MEOX2: variants seen among roughly 807,000 people sequenced by gnomAD.
MEOX2 encodes the protein mesenchyme homeobox 2, also known as homeobox protein MOX-2.
In MEOX2, 11 loss-of-function variants were observed where a neutral mutation model predicts 27.0. The observed-to-expected ratio is 0.41, with a 90% CI of 0.26 to 0.68. The LOEUF (loss-of-function observed/expected upper bound fraction) is 0.68. MEOX2 is among the 30% of genes least tolerant of loss of function. The probability of loss-of-function intolerance (pLI) is 0.33; values close to 1 mark genes in which losing one functional copy is unlikely to be tolerated. For missense variants in MEOX2, 436 were observed against 385.4 expected (o/e 1.13, Z -1.10); for synonymous variants, 189 against 155.4 (o/e 1.22, Z -1.61).
chr7:15,647,404 A>G (rs1319481427), intron 1 of MEOX2, among the ~76,000 whole-genome samples: 3 of 152,212 alleles, frequency 2.0e-5, no homozygotes, highest in East Asian at 3.9e-4. Flanking sequence ...TGCAAGCTAC[A>G]TTTTAGTAAA....
chr7:15,641,860 T>G (rs959208768), intron 1 of MEOX2, among the ~76,000 whole-genome samples: 1 of 152,122 alleles, frequency 6.6e-6, no homozygotes, highest in African/African-American at 2.4e-5. Flanking sequence ...ATTTTATTTC[T>G]CCTTCATTTA....
chr7:15,669,682 T>C (rs1294630778), intron 1 of MEOX2, among the ~76,000 whole-genome samples: 1 of 152,246 alleles, frequency 6.6e-6, no homozygotes, highest in Non-Finnish European at 1.5e-5. Context: ...AGAGACTCCC[T>C]ATACGTCACT....
chr7:15,656,841 CA>C lies in MEOX2; in HGVS notation c.517+29044del, dbSNP rs916214594. 1.1e-3 allele frequency among the ~76,000 whole-genome samples: 169 copies of C among 147,406 alleles called. 1 individual carries two copies. Among genetic ancestry groups the C allele is most frequent in the South Asian group, 8.2e-3 (38 of 4,662 alleles). On this transcript the variant is annotated intron_variant, in intron 1 of 2. Coordinates refer to ENST00000262041, the MANE Select transcript of MEOX2 (RefSeq NM_005924.5). The stretch of plus-strand genomic sequence containing the variant: ...CTTCCTTTATCATTTCTTTTTTGTC[CA>C]AAAAAAAAATTCTTTAGTCATTCTT...
At chr7:15,644,401 T>C (rs552544476) in intron 1 of MEOX2, among the ~76,000 whole-genome samples, 1 of 152,308 alleles carries the variant, frequency 6.6e-6, no homozygotes, top group South Asian at 2.1e-4. Context: ...AGAATTTCAG[T>C]GTTTTCTCTC....
intron 1 of MEOX2, among the ~76,000 whole-genome samples, chr7:15,644,092 T>G (rs1472081452): frequency 1.3e-5 from 2 of 152,036 alleles, no homozygotes; most frequent in Non-Finnish European, 2.9e-5. Context: ...TGCATGAGAG[T>G]GTCTGGGCTC....
At chr7:15,619,489 C>A (rs1300908626) in intron 2 of MEOX2, among the ~76,000 whole-genome samples, 1 of 151,982 alleles carries the variant, frequency 6.6e-6, no homozygotes, top group Non-Finnish European at 1.5e-5. Flanking sequence ...GAAGAATTAT[C>A]TTTATCCTTT....
intron 1 of MEOX2, among the ~76,000 whole-genome samples, chr7:15,669,915 T>G (rs1205374770): frequency 6.6e-6 from 1 of 152,174 alleles, no homozygotes; most frequent in African/African-American, 2.4e-5. Flanking sequence ...GTTTTCATAC[T>G]TTCCCCCTGG....
chr7:15,685,020 C>T (rs1384214584), intron 1 of MEOX2, among the ~76,000 whole-genome samples: 1 of 152,208 alleles, frequency 6.6e-6, no homozygotes, highest in Non-Finnish European at 1.5e-5. Context: ...AAATCAGCGC[C>T]TCCTGCGCGC....
At chr7:15,651,716 A>T (rs1042663515) in intron 1 of MEOX2, among the ~76,000 whole-genome samples, 2 of 152,038 alleles carry the variant, frequency 1.3e-5, no homozygotes, top group Non-Finnish European at 2.9e-5. Flanking sequence ...CCCTTGTCCA[A>T]GTGTTCTATT....
chr7:15,649,441 G>A, intron 1 of MEOX2, among the ~76,000 whole-genome samples: 1 of 151,798 alleles, frequency 6.6e-6, no homozygotes, highest in East Asian at 1.9e-4. Context: ...GATGAAAGAT[G>A]GAAAAATCAC....
intron 1 of MEOX2, among the ~76,000 whole-genome samples, chr7:15,646,768 G>C (rs1035848738): frequency 6.6e-6 from 1 of 151,856 alleles, no homozygotes; most frequent in African/African-American, 2.4e-5. Context: ...CTAATGTTCA[G>C]AATATGAAAG....
At position 15,686,560 on chromosome 7, in the gene MEOX2, GC is replaced by G. The variant is rs1782391087; in HGVS notation, c.-159del. ...AGAGCTCGGATAATCCCGGTCCTGA[GC>G]CCCAGCGGCCAGTCTCCTTTACATA... On this transcript the variant is annotated 5_prime_UTR_variant, in exon 1 of 3. Coordinates refer to ENST00000262041, the MANE Select transcript of MEOX2 (RefSeq NM_005924.5). 1 of 679,924 alleles carries G rather than the reference GC, an allele frequency of 1.5e-6. No individual in the cohort carries two copies. 42.1% of individuals were successfully genotyped at this position (679,924 alleles called of 1,614,324 possible).
intron 1 of MEOX2, among the ~76,000 whole-genome samples, chr7:15,660,508 T>C (rs1289213513): frequency 6.6e-6 from 1 of 152,096 alleles, no homozygotes; most frequent in African/African-American, 2.4e-5. Flanking sequence ...ATTTGCATCG[T>C]AAGATATTTA....
rs893377581 is a variant in MEOX2 at position 15,686,144 on chromosome 7, C to T, written c.259G>A (p.Ala87Thr). The T allele has an allele frequency of 3.8e-6, 6 of 1,578,970 alleles. No homozygotes were observed. The highest frequency in any genetic ancestry group is 1.1e-5 in the South Asian group (1 of 88,006). ...GGGAGGTGCCAGTTGGTTTGCAGAGCCTGGTGCTGCTGCTGCTGATGGTGG... is the reference window on the plus strand; with the variant it reads ...GGGAGGTGCCAGTTGGTTTGCAGAGTCTGGTGCTGCTGCTGCTGATGGTGG... The part of the protein sequence containing the change: ...HHHHQQQQHQ[A>T]LQTNWHLPQM... Residue 87 changes from alanine (A) to threonine (T), a missense_variant, in exon 1 of 3, where the codon GCT (alanine) becomes ACT (threonine). Ala to Thr is a moderately conservative substitution (Grantham distance 58). Transcript: ENST00000262041.
At chr7:15,661,934 G>A (rs1781925328) in intron 1 of MEOX2, among the ~76,000 whole-genome samples, 1 of 152,124 alleles carries the variant, frequency 6.6e-6, no homozygotes, top group Non-Finnish European at 1.5e-5. Flanking sequence ...ATGCAATGGA[G>A]TCAAGTTAAA....
chr7:15,636,574 T>C (rs1781481199), intron 1 of MEOX2, among the ~76,000 whole-genome samples: 1 of 152,044 alleles, frequency 6.6e-6, no homozygotes, highest in African/African-American at 2.4e-5. Context: ...CAAATTGTGA[T>C]TGTTTTTTGC....
chr7:15,613,159 T>C (rs1056022268), intron 2 of MEOX2, among the ~76,000 whole-genome samples: 2 of 152,232 alleles, frequency 1.3e-5, no homozygotes, highest in Non-Finnish European at 2.9e-5. Context: ...GAACTCTTCT[T>C]TTTATTTTCT....
chr7:15,642,985 T>G (rs532070953), intron 1 of MEOX2, among the ~76,000 whole-genome samples: 2 of 152,298 alleles, frequency 1.3e-5, no homozygotes, highest in South Asian at 4.1e-4. Context: ...CCTACAAGGA[T>G]AAAGTGTTGG....
intron 1 of MEOX2, among the ~76,000 whole-genome samples, chr7:15,659,220 C>T (rs1223939209): frequency 6.6e-6 from 1 of 152,004 alleles, no homozygotes; most frequent in Non-Finnish European, 1.5e-5. Flanking sequence ...CAAAAATTTA[C>T]TTTAATATAT....
Sources: allele counts gnomAD v4.1 joint callset (sites outside exome capture counted in the v4.1 genomes callset), GRCh38; gene constraint gnomAD v4.1.1; transcripts MANE v1.5; gene names NCBI Gene and HGNC (gene_info 2026-07-23, HGNC 2026-07-21).